The following ADGRB3 variants were observed in gnomAD, a reference collection of about 807,000 sequenced individuals.
ADGRB3 encodes the protein brain-specific angiogenesis inhibitor 3.
Under a neutral mutation model 193.4 loss-of-function variants are expected in ADGRB3, and 37 were observed. The ratio of observed to expected loss-of-function variants is 0.19; its 90% CI spans 0.15 to 0.25. The LOEUF is 0.25. Among genes scored for constraint, ADGRB3 ranks in the 10% least tolerant of loss-of-function variants. ADGRB3 has a pLI of 1.00. For missense variants in ADGRB3, 1,637 were observed against 1,852.9 expected, an observed-to-expected ratio of 0.88 and a Z score of 2.14; for synonymous variants, 690 against 644.2, an observed-to-expected ratio of 1.07 and a Z score of -1.08.
intron 3 of ADGRB3, among the ~76,000 whole-genome samples, chr6:68,899,104 G>A (rs1436030498): frequency 6.6e-6 from 1 of 152,090 alleles, no homozygotes; most frequent in Non-Finnish European, 1.5e-5. Flanking sequence ...GTTAACATTA[G>A]AGGAAACTGC....
At chr6:69,195,731 A>G (rs924323007) in intron 17 of ADGRB3, among the ~76,000 whole-genome samples, 11 of 152,000 alleles carry the variant, frequency 7.2e-5, no homozygotes, top group African/African-American at 2.7e-4. Flanking sequence ...TTTTGTTTTT[A>G]ATACACAAGG....
intron 3 of ADGRB3, among the ~76,000 whole-genome samples, chr6:68,896,838 C>T (rs1007339032): frequency 6.6e-6 from 1 of 152,150 alleles, no homozygotes; most frequent in Non-Finnish European, 1.5e-5. Flanking sequence ...CACAATAATA[C>T]TCTTTCCAGG....
In ADGRB3 at chr6:69,205,875, T is replaced by C. The variant is rs532785980; in HGVS notation, c.2481-27415T>C. 6.6e-5 allele frequency among the ~76,000 whole-genome samples: 10 copies of C among 151,350 alleles called. No homozygotes were observed. In the East Asian group the frequency reaches 1.9e-3, roughly 29 times the overall value. On this transcript the variant is annotated intron_variant, in intron 17 of 31. Transcript: ENST00000370598. ...ATCATAGCTCATTGCTGCCTCAAAT[T>C]TCTGATCTCAAAGGATCCTCCTGCC...
intron 17 of ADGRB3, among the ~76,000 whole-genome samples, chr6:69,118,739 C>T (rs1198656616): frequency 9.9e-6 from 1 of 100,858 alleles, no homozygotes; most frequent in Non-Finnish European, 2.2e-5. Flanking sequence ...AAAGAAGCCA[C>T]TGCTTTACAG....
At chr6:68,723,143 T>C (rs1005704700) in intron 3 of ADGRB3, among the ~76,000 whole-genome samples, 3 of 151,794 alleles carry the variant, frequency 2.0e-5, no homozygotes, top group African/African-American at 7.3e-5. Flanking sequence ...TAATTTAGCT[T>C]TTCATGTAAT....
chr6:69,272,005 A>G (rs2127279653), intron 20 of ADGRB3, among the ~76,000 whole-genome samples: 1 of 152,342 alleles, frequency 6.6e-6, no homozygotes, highest in East Asian at 1.9e-4. Context: ...AGTAGCTCAC[A>G]AGAAAATTCC....
chr6:69,188,945 AT>A (rs1765125970), intron 17 of ADGRB3, among the ~76,000 whole-genome samples: 1 of 152,210 alleles, frequency 6.6e-6, no homozygotes, highest in South Asian at 2.1e-4. Flanking sequence ...TCTGCGTAAA[AT>A]AAAATAAAAA....
At chr6:68,643,382 C>T (rs1768126276) in intron 3 of ADGRB3, among the ~76,000 whole-genome samples, 1 of 150,026 alleles carries the variant, frequency 6.7e-6, no homozygotes, top group Non-Finnish European at 1.5e-5. Context: ...GTTCTGTTTG[C>T]CCTCAGATAA....
chr6:68,913,211 T>C (rs570650255), intron 3 of ADGRB3, among the ~76,000 whole-genome samples: 10 of 152,310 alleles, frequency 6.6e-5, no homozygotes, highest in African/African-American at 2.4e-4. Flanking sequence ...CAAGCACAGA[T>C]GGATATCTGA....
intron 20 of ADGRB3, among the ~76,000 whole-genome samples, chr6:69,266,111 G>T (rs1027821422): frequency 6.6e-6 from 1 of 151,672 alleles, no homozygotes; most frequent in Admixed American, 6.6e-5. Flanking sequence ...TTATTATTTT[G>T]GTTTTATTCT....
At chr6:69,017,961 CTT>C (rs1240274849) in intron 12 of ADGRB3, among the ~76,000 whole-genome samples, 1 of 151,842 alleles carries the variant, frequency 6.6e-6, no homozygotes, top group East Asian at 1.9e-4. Context: ...TATGCAATAA[CTT>C]AATAGTTTGT....
Position 69,232,961 on chromosome 6 carries a change from T to C in ADGRB3, c.2481-329T>C, listed in dbSNP as rs567055841. ...CAATCCGATGAGCATAGGAAGTGGC[T>C]GCCAACGCTCTGGCGGCTGCTCGTG... On this transcript the variant is annotated intron_variant, in intron 17 of 31. Transcript: ENST00000370598. 680 of 437,472 alleles carry C rather than the reference T, an allele frequency of 1.6e-3. 9 individuals are homozygous for C. The highest frequency in any genetic ancestry group is 0.013 in the African/African-American group (629 of 50,064). 27.1% of individuals were successfully genotyped at this position (437,472 alleles called of 1,614,324 possible).
At chr6:68,905,482 G>T (rs114988349) in intron 3 of ADGRB3, among the ~76,000 whole-genome samples, 4 of 152,216 alleles carry the variant, frequency 2.6e-5, no homozygotes, top group African/African-American at 9.6e-5. Flanking sequence ...AAAGTTACTT[G>T]CAAATAGATG....
At chr6:68,762,588 A>C (rs1766432856) in intron 3 of ADGRB3, among the ~76,000 whole-genome samples, 1 of 151,904 alleles carries the variant, frequency 6.6e-6, no homozygotes, top group South Asian at 2.1e-4. Flanking sequence ...TTATTTGAAA[A>C]GGTAAAAGAA....
intron 3 of ADGRB3, among the ~76,000 whole-genome samples, chr6:68,928,824 C>A (rs1307478145): frequency 6.6e-6 from 1 of 152,036 alleles, no homozygotes; most frequent in African/African-American, 2.4e-5. Flanking sequence ...AATAGACATA[C>A]CCGCAACTTA....
intron 13 of ADGRB3, among the ~76,000 whole-genome samples, chr6:69,025,788 G>C (rs945820819): frequency 3.9e-5 from 6 of 152,226 alleles, no homozygotes; most frequent in African/African-American, 1.4e-4. Flanking sequence ...TGCAGCTGTA[G>C]AGTTCTTTGA....
At chr6:69,070,311 T>A (rs900598241) in intron 16 of ADGRB3, among the ~76,000 whole-genome samples, 2 of 152,196 alleles carry the variant, frequency 1.3e-5, no homozygotes, top group Non-Finnish European at 2.9e-5. Flanking sequence ...AACCACTTTA[T>A]TTCTTTTTTT....
In ADGRB3 at chr6:69,261,327, A is replaced by T. The variant is rs1042759790; in HGVS notation, c.2814+22101A>T. 4.6e-5 allele frequency among the ~76,000 whole-genome samples: 7 copies of T among 152,266 alleles called. No homozygotes were observed. The East Asian group carries it at 1.3e-3, about 29-fold the overall frequency. ...TTGCAAGAGATTTGTAGGTTTTATA[A>T]GCAGAATGAAAAAACTTCAAGATAC... On this transcript the variant is annotated intron_variant, in intron 20 of 31. Coordinates refer to ENST00000370598, the MANE Select transcript of ADGRB3 (RefSeq NM_001704.3).
chr6:68,808,596 T>C (rs111798190), intron 3 of ADGRB3, among the ~76,000 whole-genome samples: 1 of 152,180 alleles, frequency 6.6e-6, no homozygotes, highest in South Asian at 2.1e-4. Flanking sequence ...AAATTTCAGA[T>C]ATAATCATTA....
Sources: allele counts gnomAD v4.1 joint callset (sites outside exome capture counted in the v4.1 genomes callset), GRCh38; gene constraint gnomAD v4.1.1; transcripts MANE v1.5; gene names NCBI Gene and HGNC (gene_info 2026-07-23, HGNC 2026-07-21).